The following RIMS2 variants were observed in gnomAD, a reference collection of about 807,000 sequenced individuals.
RIMS2 encodes the protein regulating synaptic membrane exocytosis protein 2.
RIMS2 carries 59 observed loss-of-function variants against 174.4 expected under a neutral mutation model. That is an observed-to-expected ratio of 0.34 (90% CI 0.27 to 0.42). The LOEUF (loss-of-function observed/expected upper bound fraction) is 0.42. Ranked by LOEUF, RIMS2 falls within the 10% of genes least tolerant of loss-of-function variation. The pLI, the probability that RIMS2 is intolerant of heterozygous loss-of-function variation, is 1.00. For missense variants in RIMS2, 1,620 were observed against 1,666.3 expected (o/e 0.97, Z 0.48); for synonymous variants, 606 against 572.5 (o/e 1.06, Z -0.84).
At chr8:104,156,653 T>G (rs1358520223) in intron 19 of RIMS2, among the ~76,000 whole-genome samples, 2 of 152,250 alleles carry the variant, frequency 1.3e-5, no homozygotes, top group Non-Finnish European at 2.9e-5. Context: ...TAGTAGAATA[T>G]GTGCATCATT....
intron 14 of RIMS2, among the ~76,000 whole-genome samples, chr8:103,959,589 AT>A (rs1393270157): frequency 6.6e-6 from 1 of 150,488 alleles, no homozygotes; most frequent in African/African-American, 2.4e-5. Context: ...TTCTTTTTTT[AT>A]TTTTTTGTAT....
At chr8:103,945,206 A>G (rs757753507) in intron 14 of RIMS2, among the ~76,000 whole-genome samples, 5 of 152,096 alleles carry the variant, frequency 3.3e-5, no homozygotes, top group Admixed American at 6.5e-5. Context: ...GAACAACTCT[A>G]TGCCAAAAAG....
intron 12 of RIMS2, among the ~76,000 whole-genome samples, chr8:103,935,671 A>G (rs969335434): frequency 5.9e-5 from 9 of 152,206 alleles, no homozygotes; most frequent in African/African-American, 2.2e-4. Flanking sequence ...TTGTATTCCT[A>G]TCCAGCCAGT....
chr8:104,106,037 C>CAAAAAAAAAAAAAAAAAAAAA (rs575916023), intron 19 of RIMS2, among the ~76,000 whole-genome samples: 10 of 56,916 alleles, frequency 1.8e-4, no homozygotes, highest in African/African-American at 5.3e-4. Flanking sequence ...GACTCTGCCA[C>CAAAAAAAAAAAAAAAAAAAAA]AAAAAAAAAA....
intron 1 of RIMS2, among the ~76,000 whole-genome samples, chr8:103,578,257 T>C (rs2093381511): frequency 6.6e-6 from 1 of 152,116 alleles, no homozygotes; most frequent in Non-Finnish European, 1.5e-5. Flanking sequence ...CGGCCAGGCA[T>C]TGTGGTTCAT....
chr8:103,833,220 G>A (rs1325678484), intron 3 of RIMS2, among the ~76,000 whole-genome samples: 5 of 152,076 alleles, frequency 3.3e-5, no homozygotes, highest in Admixed American at 6.6e-5. Flanking sequence ...TAAATGGTTC[G>A]TGATGACAAG....
intron 1 of RIMS2, among the ~76,000 whole-genome samples, chr8:103,575,324 T>TA (rs2093135145): frequency 6.6e-6 from 1 of 152,184 alleles, no homozygotes; most frequent in Non-Finnish European, 1.5e-5. Flanking sequence ...GCTACTCTGA[T>TA]ACACTGTTTT....
intron 19 of RIMS2, among the ~76,000 whole-genome samples, chr8:104,111,702 G>A (rs182839575): frequency 1.3e-5 from 2 of 152,080 alleles, no homozygotes; most frequent in African/African-American, 4.8e-5. Context: ...CACCGCACCC[G>A]GCCTCCCATT....
intron 2 of RIMS2, among the ~76,000 whole-genome samples, chr8:103,744,319 C>T (rs1361261681): frequency 1.3e-5 from 2 of 152,158 alleles, no homozygotes; most frequent in African/African-American, 4.8e-5. Flanking sequence ...GCTGGGATTG[C>T]AGGCATGAGC....
chr8:103,530,328 A>C (rs1836423875), intron 1 of RIMS2, among the ~76,000 whole-genome samples: 1 of 152,284 alleles, frequency 6.6e-6, no homozygotes, highest in Non-Finnish European at 1.5e-5. Flanking sequence ...TAATTAAAAA[A>C]GACAAACAAG....
At chr8:104,155,085 TTTTTTTG>T (rs1396773060) in intron 19 of RIMS2, among the ~76,000 whole-genome samples, 1 of 151,986 alleles carries the variant, frequency 6.6e-6, no homozygotes, top group African/African-American at 2.4e-5. Flanking sequence ...GGGTGTTAGT[TTTTTTTG>T]TTTTTTGTTG....
At chr8:103,682,992 C>A (rs1260801371) in intron 1 of RIMS2, among the ~76,000 whole-genome samples, 1 of 152,132 alleles carries the variant, frequency 6.6e-6, no homozygotes, top group Non-Finnish European at 1.5e-5. Context: ...ATTTAACTGG[C>A]CTACTCTTGT....
chr8:103,918,194 T>C (rs980072480), intron 8 of RIMS2, among the ~76,000 whole-genome samples: 18 of 152,328 alleles, frequency 1.2e-4, no homozygotes, highest in African/African-American at 3.1e-4. Flanking sequence ...ATAAAGTCTG[T>C]TTTTAAAAGT....
intron 17 of RIMS2, among the ~76,000 whole-genome samples, chr8:104,006,325 G>A (rs1489207058): frequency 2.0e-5 from 3 of 152,036 alleles, no homozygotes; most frequent in East Asian, 1.9e-4. Flanking sequence ...CGAGGTGGGC[G>A]GATCACCTTG....
At chr8:103,887,724 T>A (rs2099213269) in intron 4 of RIMS2, among the ~76,000 whole-genome samples, 1 of 151,612 alleles carries the variant, frequency 6.6e-6, no homozygotes, top group Non-Finnish European at 1.5e-5. Flanking sequence ...AATCATTTTA[T>A]ACTGTACCAA....
At chr8:103,785,066 T>G (rs2098428331) in intron 3 of RIMS2, among the ~76,000 whole-genome samples, 1 of 142,152 alleles carries the variant, frequency 7.0e-6, no homozygotes. Context: ...TTTGGCTCTC[T>G]GTTTGTCTGT....
At chr8:103,710,108 C>G (rs1170453748) in intron 2 of RIMS2, among the ~76,000 whole-genome samples, 1 of 151,444 alleles carries the variant, frequency 6.6e-6, no homozygotes, top group Admixed American at 6.6e-5. Context: ...GGCTTTTGTT[C>G]CCAACAGGTA....
chr8:103,622,555 A>G (rs1218464003), intron 1 of RIMS2, among the ~76,000 whole-genome samples: 1 of 152,104 alleles, frequency 6.6e-6, no homozygotes, highest in African/African-American at 2.4e-5. Context: ...AGAAGTAACC[A>G]CCCAATATAC....
intron 3 of RIMS2, among the ~76,000 whole-genome samples, chr8:103,798,077 C>CA (rs1221646211): frequency 5.9e-5 from 9 of 152,000 alleles, no homozygotes; most frequent in Admixed American, 5.9e-4. Flanking sequence ...ACTTCAGGTA[C>CA]ATAGTCTACA....
Sources: gnomAD v4.1 joint callset for allele counts (sites outside exome capture counted in the v4.1 genomes callset) on GRCh38, gnomAD v4.1.1 for gene constraint, MANE v1.5 for transcripts, NCBI Gene and HGNC (gene_info 2026-07-23, HGNC 2026-07-21) for gene names.